The following ZNF212 variants were observed in gnomAD, a reference collection of about 807,000 sequenced individuals.
ZNF212 encodes zinc finger protein 212.
ZNF212 carries 32 observed loss-of-function variants against 47.3 expected under a neutral mutation model. The observed-to-expected ratio is 0.68, with a 90% confidence interval of 0.51 to 0.91. The LOEUF is 0.91. Ranked by LOEUF, ZNF212 falls within the 40% of genes least tolerant of loss-of-function variation. The pLI is 0.00. For synonymous variants in ZNF212, 242 were observed against 253.8 expected, an observed-to-expected ratio of 0.95 and a Z score of 0.44; for missense variants, 555 against 622.8, an observed-to-expected ratio of 0.89 and a Z score of 1.16.
intron 1 of ZNF212, among the ~76,000 whole-genome samples, chr7:149,248,465 C>G (rs1168621845): frequency 1.3e-5 from 2 of 152,186 alleles, no homozygotes; most frequent in East Asian, 3.9e-4. Context: ...TTTTTTCATC[C>G]ATTGACTGGT....
intron 1 of ZNF212, among the ~76,000 whole-genome samples, chr7:149,243,306 T>C (rs1333750993): frequency 6.6e-6 from 1 of 151,826 alleles, no homozygotes; most frequent in African/African-American, 2.4e-5. Flanking sequence ...GGCAGGAGAC[T>C]GGCGTGAACC....
At position 149,253,994 on chromosome 7, in the gene ZNF212, G is replaced by A. The variant is rs1249834475; in HGVS notation, c.1067G>A (p.Arg356Lys). ...GAGCCAGAGGAGAGCCTTAGGCCCA[G>A]GCCACGGCTGAAACCACAGACCAAA... ...PEEPEESLRP[R>K]PRLKPQTKKA... The change falls in exon 5 of 5, where the codon AGG becomes AAG. Residue 356 changes from arginine to lysine, a missense_variant. Coordinates refer to ENST00000335870, the MANE Select transcript of ZNF212 (RefSeq NM_012256.4). 1 of 1,613,624 alleles carries A rather than the reference G, an allele frequency of 6.2e-7. No individual in the cohort carries two copies. The highest frequency in any genetic ancestry group is 8.5e-7 in the Non-Finnish European group (1 of 1,179,778).
In ZNF212 at chr7:149,239,679, G is replaced by GGCGGCGGCA. The variant is rs2129524102; in HGVS notation, c.-92_-91insAGCGGCGGC. The GGCGGCGGCA allele has an allele frequency of 1.6e-6, 2 of 1,282,438 alleles. No individual in the cohort carries two copies. Among genetic ancestry groups the GGCGGCGGCA allele is most frequent in the Non-Finnish European group, 2.0e-6 (2 of 1,007,020 alleles). 79.4% of individuals were successfully genotyped at this position (1,282,438 alleles called of 1,614,324 possible). On this transcript the variant is annotated 5_prime_UTR_variant, in exon 1 of 5. Transcript: ENST00000335870. Reference sequence around the variant, plus strand: ...ATGCACCTGGCATCAACACGGCGGCGGCGGCGGCGGCTTCCAACAGGCTCT... The same window carrying GGCGGCGGCA: ...ATGCACCTGGCATCAACACGGCGGCGGCGGCGGCAGCGGCGGCGGCTTCCAACAGGCTCT...
chr7:149,253,683 G>A lies in ZNF212; in HGVS notation c.756G>A (p.Trp252Ter), dbSNP rs1796792467. 1 of 1,614,082 alleles carries A rather than the reference G, an allele frequency of 6.2e-7. No individual in the cohort carries two copies. ...TGAGCCCAGAGCAGACCGAACTCTG[G>A]GGTGGTCAGGGCAGTTCTGTCCTCT... ...AFLSPEQTEL[W>*]GGQGSSVLLE... Residue 252 changes from tryptophan to a stop codon, truncating the protein, a stop_gained, in exon 5 of 5, where the codon TGG becomes TGA. Coordinates refer to ENST00000335870, the MANE Select transcript of ZNF212 (RefSeq NM_012256.4). LOFTEE classifies it high-confidence loss of function.
chr7:149,248,170 G>A (rs993881217), intron 1 of ZNF212, among the ~76,000 whole-genome samples: 2 of 152,046 alleles, frequency 1.3e-5, no homozygotes, highest in Admixed American at 1.3e-4. Flanking sequence ...TTCACCTCCC[G>A]ACACTGCCAC....
chr7:149,242,006 TTTTTC>T (rs1000128124), intron 1 of ZNF212, among the ~76,000 whole-genome samples: 18 of 148,694 alleles, frequency 1.2e-4, no homozygotes, highest in South Asian at 2.1e-4. Flanking sequence ...TCTTTTCTTC[TTTTTC>T]TTTTCTTTTC....
At position 149,250,694 on chromosome 7, in the gene ZNF212, T is replaced by C. The variant is rs566898713; in HGVS notation, c.428T>C (p.Leu143Pro). 2 of 1,614,210 alleles carry C rather than the reference T, an allele frequency of 1.2e-6. No individual in the cohort carries two copies. The highest frequency in any genetic ancestry group is 1.1e-5 in the South Asian group (1 of 91,090). Reference sequence around the variant, plus strand: ...TGGTGATTCCAGGTGTCCAGGTCACTGGAGAATGATGGCGTCTGTTTCACC... The same window carrying C: ...TGGTGATTCCAGGTGTCCAGGTCACCGGAGAATGATGGCGTCTGTTTCACC... ...KGEAPKVSRS[L>P]ENDGVCFTEQ... The change falls in exon 3 of 5, where the codon CTG (leucine) becomes CCG (proline). Residue 143 changes from leucine to proline, a missense_variant. By Grantham distance (98) the Leu-to-Pro change is moderately conservative. Coordinates refer to ENST00000335870, the MANE Select transcript of ZNF212 (RefSeq NM_012256.4).
intron 1 of ZNF212, among the ~76,000 whole-genome samples, chr7:149,243,363 G>C (rs1340673575): frequency 2.7e-5 from 4 of 145,880 alleles, no homozygotes; most frequent in Non-Finnish European, 6.0e-5. Flanking sequence ...GAACCTGGGA[G>C]GCAAAGGTTG....
chr7:149,246,772 CATGTAA>C (rs1296494043), intron 1 of ZNF212, among the ~76,000 whole-genome samples: 1 of 148,298 alleles, frequency 6.7e-6, no homozygotes, highest in African/African-American at 2.5e-5. Flanking sequence ...TTTTTCCAAA[CATGTAA>C]ATGAAACACA....
At chr7:149,251,942 A>G (rs1028820080) in intron 3 of ZNF212, among the ~76,000 whole-genome samples, 1 of 75,170 alleles carries the variant, frequency 1.3e-5, no homozygotes, top group Non-Finnish European at 3.0e-5. Flanking sequence ...TCTGTTGCTT[A>G]AAAAAAAAAA....
chr7:149,240,161 A>G (rs1184506817), intron 1 of ZNF212: 1 of 244,650 alleles, frequency 4.1e-6, no homozygotes, highest in Non-Finnish European at 7.8e-6. Flanking sequence ...CGTCGCTACG[A>G]GTGAGCTCTC....
In ZNF212 at chr7:149,254,395, AG is replaced by A. The variant is rs757653174; in HGVS notation, c.1470del (p.Arg490SerfsTer37). On this transcript the variant is annotated frameshift_variant, in exon 5 of 5. Transcript: ENST00000335870. LOFTEE classifies it high-confidence loss of function. This position sits in a 1 kb window ranked among gnomAD's most constrained non-coding sequence, Gnocchi z 4.5. ...ERGGLALEPG[R>X]PNGLL ...GGGTGGGCTGGCCCTGGAGCCCGGA[AG>A]GCCCAATGGCCTGCTTTAAGGGTGC... 1.9e-6 allele frequency: 3 copies of A among 1,602,818 alleles called. No individual in the cohort carries two copies. The highest frequency in any genetic ancestry group is 2.5e-6 in the Non-Finnish European group (3 of 1,179,228).
At position 149,253,625 on chromosome 7, in the gene ZNF212, A is replaced by G. The variant is rs548016615; in HGVS notation, c.698A>G (p.Glu233Gly). The change falls in exon 5 of 5, where the codon GAG (glutamate) becomes GGG (glycine). Residue 233 changes from glutamate to glycine, a missense_variant. Transcript: ENST00000335870. ...TQEGPADLPG[E>G]FSCIAEEQAF... The stretch of plus-strand genomic sequence containing the variant: ...GAAGGCCCTGCGGATCTTCCTGGAG[A>G]GTTCTCATGCATTGCTGAAGAGCAG... 15 of 1,614,180 alleles carry G rather than the reference A, an allele frequency of 9.3e-6. No homozygotes were observed. In the East Asian group the frequency reaches 3.1e-4, roughly 34 times the overall value.
At chr7:149,252,329 C>G (rs192779784) in intron 3 of ZNF212, among the ~76,000 whole-genome samples, 143 of 152,244 alleles carry the variant, frequency 9.4e-4, no homozygotes, top group African/African-American at 3.3e-3. Flanking sequence ...CAGTGCCCAT[C>G]TTACCTTGCA....
intron 3 of ZNF212, chr7:149,251,432 C>T (rs913239789): frequency 6.5e-6 from 1 of 152,696 alleles, no homozygotes; most frequent in African/African-American, 2.4e-5. Context: ...ATCTGCCCAC[C>T]TCAGCCCCCC....
Position 149,253,563 on chromosome 7 carries a change from T to C in ZNF212, c.636T>C (p.Gly212=), listed in dbSNP as rs763148302. ...EEGPGGAHPA[G]GVMIKQELQY... is the part of the protein sequence containing the mutation. The stretch of plus-strand genomic sequence containing the variant: ...TGGTCTTCTTCCACTTTGCAGCAGG[T>C]GGGGTCATGATCAAACAGGAGCTAC... Residue 212 remains glycine, a synonymous_variant, in exon 5 of 5, where the codon GGT becomes GGC. Coordinates refer to ENST00000335870, the MANE Select transcript of ZNF212 (RefSeq NM_012256.4). 4.0e-5 allele frequency: 64 copies of C among 1,595,168 alleles called. No individual in the cohort carries two copies. In the East Asian group the frequency reaches 1.4e-3, roughly 34 times the overall value.
At chr7:149,246,972 C>T (rs1796688082) in intron 1 of ZNF212, among the ~76,000 whole-genome samples, 2 of 150,912 alleles carry the variant, frequency 1.3e-5, no homozygotes, top group African/African-American at 4.9e-5. Context: ...GCCACCATGC[C>T]CGGCTCATTT....
chr7:149,252,993 A>T (rs1024251282), intron 4 of ZNF212, among the ~76,000 whole-genome samples, 198 bp downstream of exon 4: 3 of 152,196 alleles, frequency 2.0e-5, no homozygotes, highest in Non-Finnish European at 4.4e-5. Flanking sequence ...CTTTAAGACT[A>T]ACGGCCACAT....
intron 1 of ZNF212, among the ~76,000 whole-genome samples, chr7:149,245,476 G>A (rs756049599): frequency 7.3e-5 from 11 of 151,642 alleles, no homozygotes; most frequent in Non-Finnish European, 1.2e-4. Flanking sequence ...ACGTATAATC[G>A]TGCCACTGCC....
Sources: allele counts gnomAD v4.1 joint callset (sites outside exome capture counted in the v4.1 genomes callset), GRCh38; gene constraint gnomAD v4.1.1; non-coding constraint Gnocchi (gnomAD v3.1); transcripts MANE v1.5; gene names NCBI Gene and HGNC (gene_info 2026-07-23, HGNC 2026-07-21).